The following CSMD1 variants were observed in gnomAD, a reference collection of about 807,000 sequenced individuals.
The protein encoded by CSMD1 is CUB and Sushi multiple domains 1, also known as CUB and sushi domain-containing protein 1.
CSMD1 carries 213 observed loss-of-function variants against 417.5 expected under a neutral mutation model. The observed-to-expected ratio is 0.51, with a 90% confidence interval of 0.46 to 0.57. The LOEUF (loss-of-function observed/expected upper bound fraction) is 0.57, where lower values mean the gene tolerates loss of function less well. Among genes scored for constraint, CSMD1 ranks in the 20% least tolerant of loss-of-function variants. The pLI is 0.00. For missense variants in CSMD1, 6,923 were observed against 4,529.7 expected (o/e 1.53, Z -15.17); for synonymous variants, 2,862 against 1,736.8 (o/e 1.65, Z -16.11).
chr8:4,680,272 C>A (rs1805954213), intron 1 of CSMD1, among the ~76,000 whole-genome samples: 1 of 152,134 alleles, frequency 6.6e-6, no homozygotes, highest in African/African-American at 2.4e-5. Context: ...TATGTTATCA[C>A]TAATATTTTA....
intron 3 of CSMD1, among the ~76,000 whole-genome samples, chr8:4,092,802 T>C (rs1024232120): frequency 6.6e-6 from 1 of 152,212 alleles, no homozygotes; most frequent in African/African-American, 2.4e-5. Context: ...TATTTTTTAA[T>C]AGACCAATAT....
intron 2 of CSMD1, among the ~76,000 whole-genome samples, chr8:4,450,634 G>A (rs1799085472): frequency 6.6e-6 from 1 of 151,312 alleles, no homozygotes; most frequent in East Asian, 1.9e-4. Context: ...AGTCTCCAAA[G>A]AAAAAAAAAT....
chr8:3,010,863 C>G (rs985772022), intron 52 of CSMD1, among the ~76,000 whole-genome samples: 1 of 151,830 alleles, frequency 6.6e-6, no homozygotes, highest in Non-Finnish European at 1.5e-5. Context: ...CCTGCCTCAG[C>G]TTCCCAAGTA....
chr8:3,136,665 A>G (rs1818114753), intron 41 of CSMD1, among the ~76,000 whole-genome samples: 1 of 152,162 alleles, frequency 6.6e-6, no homozygotes, highest in African/African-American at 2.4e-5. Context: ...GGTTATACCC[A>G]GGGTACACTC....
intron 5 of CSMD1, among the ~76,000 whole-genome samples, chr8:3,975,979 C>T (rs934004611): frequency 1.3e-5 from 2 of 151,884 alleles, no homozygotes; most frequent in Admixed American, 1.3e-4. Context: ...AGTTTTTAAT[C>T]TATCAGTTTT....
chr8:4,080,946 C>G (rs1422260129), intron 3 of CSMD1, among the ~76,000 whole-genome samples: 1 of 152,150 alleles, frequency 6.6e-6, no homozygotes, highest in Non-Finnish European at 1.5e-5. Context: ...TCTGGGGACT[C>G]TACCCTCCTG....
chr8:4,412,856 C>G (rs1371482817), intron 3 of CSMD1, among the ~76,000 whole-genome samples: 1 of 152,084 alleles, frequency 6.6e-6, no homozygotes, highest in African/African-American at 2.4e-5. Flanking sequence ...AGAATGCCTG[C>G]TCAAACAAGG....
rs1270828230 is a variant in CSMD1 at position 3,288,849 on chromosome 8, A to T, written c.3951-4503T>A. On this transcript the variant is annotated intron_variant, in intron 25 of 69. Coordinates refer to ENST00000635120, the MANE Select transcript of CSMD1 (RefSeq NM_033225.6). ...TTATTTTATTTTATTATTATACTTT[A>T]AGTTTTAGGGTACATGTGCACAACC... Among the ~76,000 whole-genome samples, 8 of 146,676 alleles carry T rather than the reference A, an allele frequency of 5.5e-5. No homozygotes were observed. In the East Asian group the frequency reaches 1.6e-3, roughly 29 times the overall value.
At chr8:3,749,451 T>C (rs1380254663) in intron 6 of CSMD1, among the ~76,000 whole-genome samples, 1 of 152,184 alleles carries the variant, frequency 6.6e-6, no homozygotes, top group African/African-American at 2.4e-5. Flanking sequence ...CTTGATGATA[T>C]AATTGGAGAG....
intron 26 of CSMD1, among the ~76,000 whole-genome samples, chr8:3,275,516 C>T (rs1161206147): frequency 6.6e-6 from 1 of 152,196 alleles, no homozygotes; most frequent in Non-Finnish European, 1.5e-5. Context: ...TAATATCCTG[C>T]AGAGTGTTTT....
At chr8:4,555,364 G>C (rs942663603) in intron 2 of CSMD1, among the ~76,000 whole-genome samples, 3 of 152,148 alleles carry the variant, frequency 2.0e-5, no homozygotes, top group African/African-American at 7.2e-5. Flanking sequence ...GAACATGGGA[G>C]GGACGGGGAA....
At chr8:3,428,828 T>C (rs551609286) in intron 12 of CSMD1, among the ~76,000 whole-genome samples, 1 of 152,254 alleles carries the variant, frequency 6.6e-6, no homozygotes, top group Non-Finnish European at 1.5e-5. Flanking sequence ...GGATGAATAA[T>C]GGTAAAAATG....
chr8:3,190,395 A>C (rs778780493), intron 33 of CSMD1, among the ~76,000 whole-genome samples: 21 of 152,158 alleles, frequency 1.4e-4, no homozygotes, highest in Non-Finnish European at 2.6e-4. Flanking sequence ...CAGTGTCCTC[A>C]CTTCAGATGA....
At chr8:3,662,710 G>C (rs199790579) in intron 7 of CSMD1, among the ~76,000 whole-genome samples, 1 of 152,088 alleles carries the variant, frequency 6.6e-6, no homozygotes, top group African/African-American at 2.4e-5. Flanking sequence ...GAAGCTGGAA[G>C]CCATCATTCT....
intron 12 of CSMD1, among the ~76,000 whole-genome samples, chr8:3,440,295 C>G (rs1403930636): frequency 6.6e-6 from 1 of 152,168 alleles, no homozygotes; most frequent in East Asian, 1.9e-4. Context: ...CTATATCTCT[C>G]TACTTATTTT....
At chr8:3,868,427 G>A (rs921349549) in intron 5 of CSMD1, among the ~76,000 whole-genome samples, 1 of 152,086 alleles carries the variant, frequency 6.6e-6, no homozygotes. Context: ...GCAGCTGGGG[G>A]GCAGCTGTAA....
chr8:3,845,351 C>A (rs144549138), intron 5 of CSMD1, among the ~76,000 whole-genome samples: 76 of 152,268 alleles, frequency 5.0e-4, no homozygotes, highest in African/African-American at 1.6e-3. Flanking sequence ...CATGTTGCTC[C>A]TGGACCACAC....
chr8:3,898,043 C>A (rs1325162215), intron 5 of CSMD1, among the ~76,000 whole-genome samples: 2 of 152,128 alleles, frequency 1.3e-5, no homozygotes, highest in Non-Finnish European at 2.9e-5. Flanking sequence ...TTCTTACCAC[C>A]TAAATTATGT....
At chr8:3,416,410 A>T (rs1408288920) in intron 12 of CSMD1, among the ~76,000 whole-genome samples, 1 of 152,184 alleles carries the variant, frequency 6.6e-6, no homozygotes, top group Non-Finnish European at 1.5e-5. Context: ...AAATAGAGAA[A>T]AAGAACTCTG....
Sources: gnomAD v4.1 joint callset for allele counts (sites outside exome capture counted in the v4.1 genomes callset) on GRCh38, gnomAD v4.1.1 for gene constraint, MANE v1.5 for transcripts, NCBI Gene and HGNC (gene_info 2026-07-23, HGNC 2026-07-21) for gene names.